Variants in SMCHD1 observed in about 807,000 individuals in gnomAD.
The protein encoded by SMCHD1 is structural maintenance of chromosomes flexible hinge domain-containing protein 1.
In SMCHD1, 78 loss-of-function variants were observed where a neutral mutation model predicts 254.7. The observed-to-expected ratio is 0.31, with a 90% CI of 0.26 to 0.37. The LOEUF (loss-of-function observed/expected upper bound fraction) is 0.37, where lower values mean the gene tolerates loss of function less well. Among genes scored for constraint, SMCHD1 ranks in the 10% least tolerant of loss-of-function variants. The pLI, the probability that SMCHD1 is intolerant of heterozygous loss-of-function variation, is 1.00. For missense variants in SMCHD1, 1,840 were observed against 2,408.1 expected (o/e 0.76, Z 4.94); for synonymous variants, 766 against 794.9 (o/e 0.96, Z 0.61).
In SMCHD1 at chr18:2,700,779, T is replaced by C; in HGVS notation, c.1508T>C (p.Ile503Thr). ...CCTAAGAAGAGAGGGCTTGCACCAA[T>C]TGAATGCTACAATAGGATATCTGGT... The part of the protein sequence containing the change: ...TPPKKRGLAP[I>T]ECYNRISGAL... Residue 503 changes from isoleucine (I) to threonine (T), a missense_variant, in exon 12 of 48, where the codon ATT becomes ACT. By Grantham distance (89) the Ile-to-Thr change is moderately conservative. Coordinates refer to ENST00000320876, the MANE Select transcript of SMCHD1 (RefSeq NM_015295.3). The C allele has an allele frequency of 1.9e-6, 3 of 1,613,272 alleles. No individual in the cohort carries two copies. Among genetic ancestry groups the C allele is most frequent in the East Asian group, 2.2e-5 (1 of 44,812 alleles).
chr18:2,749,709 C>G (rs1363145480), intron 30 of SMCHD1, among the ~76,000 whole-genome samples: 1 of 152,186 alleles, frequency 6.6e-6, no homozygotes, highest in Admixed American at 6.5e-5. Context: ...CCTGCCCCAG[C>G]TTTAGAATAT....
chr18:2,737,772 AAGT>A (rs1228545973), intron 25 of SMCHD1, among the ~76,000 whole-genome samples: 1 of 152,180 alleles, frequency 6.6e-6, no homozygotes, highest in Non-Finnish European at 1.5e-5. Context: ...GGCTAAATAA[AAGT>A]AGAGAGAAAG....
At chr18:2,689,844 G>C (rs1165161530) in intron 7 of SMCHD1, among the ~76,000 whole-genome samples, 2 of 115,584 alleles carry the variant, frequency 1.7e-5, no homozygotes, top group Non-Finnish European at 3.3e-5. Flanking sequence ...AGGAGACCTT[G>C]TCTCTACTAA....
intron 17 of SMCHD1, among the ~76,000 whole-genome samples, chr18:2,712,707 G>A (rs184686108): frequency 4.3e-4 from 65 of 152,236 alleles, no homozygotes; most frequent in Non-Finnish European, 8.2e-4. Context: ...TTCTAACCAC[G>A]TAGTAGCTGC....
At chr18:2,670,550 C>A (rs780816417) in intron 3 of SMCHD1, among the ~76,000 whole-genome samples, 61 of 152,098 alleles carry the variant, frequency 4.0e-4, no homozygotes, top group Non-Finnish European at 2.5e-4. Flanking sequence ...AAGAACAGAA[C>A]CTTCATCTGC....
intron 25 of SMCHD1, 93 bp downstream of exon 25, chr18:2,732,585 AAAG>A (rs1366358247): frequency 2.3e-5 from 17 of 747,270 alleles, no homozygotes; most frequent in East Asian, 2.8e-5. Flanking sequence ...AGCATCTAAA[AAAG>A]AAGCTTGTCA....
chr18:2,779,713 G>A (rs896041184), intron 44 of SMCHD1, among the ~76,000 whole-genome samples: 1 of 152,176 alleles, frequency 6.6e-6, no homozygotes, highest in Non-Finnish European at 1.5e-5. Flanking sequence ...TACTTGGGAA[G>A]CTGAGGGAGG....
chr18:2,729,508 A>G, intron 24 of SMCHD1, 99 bp downstream of exon 24: 1 of 845,980 alleles, frequency 1.2e-6, no homozygotes, highest in East Asian at 3.0e-5. Flanking sequence ...TAACTTCTGA[A>G]AATGAGGTAT....
At chr18:2,757,503 G>A (rs1353049252) in intron 34 of SMCHD1, among the ~76,000 whole-genome samples, 2 of 152,058 alleles carry the variant, frequency 1.3e-5, no homozygotes, top group African/African-American at 4.8e-5. Context: ...ATGAGCCACT[G>A]AGCCCACCCT....
intron 39 of SMCHD1, among the ~76,000 whole-genome samples, chr18:2,770,544 A>G (rs544168957): frequency 1.3e-5 from 2 of 152,306 alleles, no homozygotes; most frequent in East Asian, 3.9e-4. Flanking sequence ...GGCAGCACAC[A>G]CTGATACTGA....
intron 34 of SMCHD1, among the ~76,000 whole-genome samples, chr18:2,754,443 C>T (rs1447786342): frequency 1.3e-5 from 2 of 152,134 alleles, no homozygotes; most frequent in Non-Finnish European, 2.9e-5. Flanking sequence ...AGGAAGCTTT[C>T]CAAGGATTCT....
chr18:2,748,989 T>C lies in SMCHD1; in HGVS notation c.3928-1054T>C, dbSNP rs137856414. Among the ~76,000 whole-genome samples, 229 of 152,342 alleles carry C rather than the reference T, an allele frequency of 1.5e-3. 1 individual carries two copies. Among genetic ancestry groups the C allele is most frequent in the African/African-American group, 5.3e-3 (222 of 41,574 alleles). On this transcript the variant is annotated intron_variant, in intron 30 of 47. Coordinates refer to ENST00000320876, the MANE Select transcript of SMCHD1 (RefSeq NM_015295.3). The stretch of plus-strand genomic sequence containing the variant: ...GGAAGATTAAAGTGCCAAGAATGGC[T>C]TGTTACACATGGACCTGTTTTCATA...
At chr18:2,748,092 C>T (rs2075490961) in intron 30 of SMCHD1, among the ~76,000 whole-genome samples, 1 of 152,144 alleles carries the variant, frequency 6.6e-6, no homozygotes, top group South Asian at 2.1e-4. Context: ...GCTACCAAAT[C>T]CTGGGCAGAG....
At chr18:2,717,369 C>G (rs1454676132) in intron 17 of SMCHD1, among the ~76,000 whole-genome samples, 2 of 151,992 alleles carry the variant, frequency 1.3e-5, no homozygotes, top group Non-Finnish European at 2.9e-5. Flanking sequence ...TTTTTTGAGA[C>G]AAGGTCTTAC....
chr18:2,792,524 G>T (rs780448553), intron 45 of SMCHD1, among the ~76,000 whole-genome samples: 1 of 152,144 alleles, frequency 6.6e-6, no homozygotes, highest in Non-Finnish European at 1.5e-5. Context: ...ATCCACTGGG[G>T]GTTTCAGACA....
At position 2,673,375 on chromosome 18, in the gene SMCHD1, A is replaced by C. The variant is rs1433903378; in HGVS notation, c.507+12A>C. 1 of 1,460,148 alleles carries C rather than the reference A, an allele frequency of 6.8e-7. No individual in the cohort carries two copies. Among genetic ancestry groups the C allele is most frequent in the Non-Finnish European group, 9.2e-7 (1 of 1,086,048 alleles). The allele number at this position is 1,460,148 out of a possible 1,614,324, so 90.4% of individuals were successfully genotyped here. ...TACAGATCAAATTGGTAAGGAAATA[A>C]TACTGTAAAGCAATTTAACTTTTCC... On this transcript the variant is annotated intron_variant, in intron 4 of 47. Coordinates refer to ENST00000320876, the MANE Select transcript of SMCHD1 (RefSeq NM_015295.3).
intron 41 of SMCHD1, among the ~76,000 whole-genome samples, chr18:2,774,733 C>T (rs1239795565): frequency 6.6e-6 from 1 of 152,152 alleles, no homozygotes; most frequent in Non-Finnish European, 1.5e-5. Context: ...AAGTGACACA[C>T]AATGTTCTTA....
chr18:2,719,675 T>TG (rs1368392641), intron 19 of SMCHD1, among the ~76,000 whole-genome samples: 3 of 22,676 alleles, frequency 1.3e-4, no homozygotes, highest in Non-Finnish European at 2.3e-4. Context: ...TCACTGCACC[T>TG]AATTTTTTTT....
At position 2,697,949 on chromosome 18, in the gene SMCHD1, T is replaced by G; in HGVS notation, c.1250T>G (p.Val417Gly). Residue 417 changes from valine to glycine, a missense_variant, in exon 10 of 48, where the codon GTT becomes GGT. Physicochemically the swap from Val to Gly is moderately radical, Grantham distance 109. This residue lies in a region of SMCHD1 where 498 missense variants were observed against 743.5 expected (regional missense o/e 0.67). Transcript: ENST00000320876. ...AADSFEFKAHVEGDGVVEGII... is the reference protein window; with the variant it reads ...AADSFEFKAHGEGDGVVEGII... ...GATAGTTTTGAATTCAAAGCTCATG[T>G]TGAAGGAGATGGTGTAGTGGAAGGG... is the stretch of plus-strand genomic sequence containing the variant. The G allele has an allele frequency of 1.2e-6, 2 of 1,613,716 alleles. No individual in the cohort carries two copies. The highest frequency in any genetic ancestry group is 1.7e-6 in the Non-Finnish European group (2 of 1,179,718).
Sources: gnomAD v4.1 joint callset for allele counts (sites outside exome capture counted in the v4.1 genomes callset) on GRCh38, gnomAD v4.1.1 for gene constraint, gnomAD v4.1.1 regional missense constraint, MANE v1.5 for transcripts, NCBI Gene and HGNC (gene_info 2026-07-23, HGNC 2026-07-21) for gene names.